ZNF594: variants seen among roughly 807,000 people sequenced by gnomAD.
ZNF594 encodes the protein zinc finger protein HZF18.
For synonymous variants in ZNF594, 336 were observed against 309.4 expected, an observed-to-expected ratio of 1.09 and a Z score of -0.90; for missense variants, 1,037 against 964.6, an observed-to-expected ratio of 1.08 and a Z score of -0.99.
chr17:5,185,399 G>C (rs2074379709), intron 1 of ZNF594, among the ~76,000 whole-genome samples: 1 of 152,194 alleles, frequency 6.6e-6, no homozygotes, highest in Non-Finnish European at 1.5e-5. Context: ...CATGAGAATA[G>C]TAGGGGGGAA....
chr17:5,184,775 C>T (rs75903360), intron 1 of ZNF594, among the ~76,000 whole-genome samples: 9,408 of 152,286 alleles, frequency 0.062, 363 homozygotes, highest in East Asian at 0.15. Flanking sequence ...CCCATGGCCA[C>T]GCATTGTCCC....
intron 1 of ZNF594, 102 bp from the exon 2 acceptor site, chr17:5,184,378 C>T: frequency 8.6e-7 from 1 of 1,157,878 alleles, no homozygotes; most frequent in Non-Finnish European, 1.2e-6. Context: ...CTCAGAAGAC[C>T]TTTCCCTGCC....
In ZNF594 at chr17:5,183,613, T is replaced by A; in HGVS notation, c.644A>T (p.Glu215Val). Residue 215 changes from glutamate to valine, a missense_variant, in exon 2 of 2, where the codon GAG becomes GTG. By Grantham distance (121) the Glu-to-Val change is moderately radical (BLOSUM62 -2). Transcript: ENST00000575779. ...GCTTCCCTTAAAAGCCTTCCCACAC[T>A]CTTTGCACTCATAGGGATTCCCACC... ...HSGGNPYECK[E>V]CGKAFKGSSN... 1 of 1,614,212 alleles carries A rather than the reference T, an allele frequency of 6.2e-7. No homozygotes were observed. The highest frequency in any genetic ancestry group is 1.1e-5 in the South Asian group (1 of 91,086).
chr17:5,183,090 T>C lies in ZNF594; in HGVS notation c.1167A>G (p.Ser389=). The C allele has an allele frequency of 6.2e-7, 1 of 1,614,196 alleles. No individual in the cohort carries two copies. The highest frequency in any genetic ancestry group is 8.5e-7 in the Non-Finnish European group (1 of 1,180,034). Residue 389 remains serine (S), a synonymous_variant, in exon 2 of 2, where the codon TCA becomes TCG. Coordinates refer to ENST00000575779, the MANE Select transcript of ZNF594 (RefSeq NM_032530.2). The stretch of plus-strand genomic sequence containing the variant: ...GAGTTACCTGATGTCTGATGAGGTC[T>C]GAGGTGCCCTGGAAATTCCTACCAC... ...NQCGRNFQGT[S]DLIRHQVTHT...
At position 5,181,494 on chromosome 17, in the gene ZNF594, A is replaced by G. The variant is rs779554854; in HGVS notation, c.*339T>C. On this transcript the variant is annotated 3_prime_UTR_variant, in exon 2 of 2. Coordinates refer to ENST00000575779, the MANE Select transcript of ZNF594 (RefSeq NM_032530.2). ...TTCTTCAAGTTTCTCTCCAGCATGC[A>G]GTCTCTGATGTTTGAGGAAAGCTGT... 4 of 1,613,870 alleles carry G rather than the reference A, an allele frequency of 2.5e-6. No individual in the cohort carries two copies. In the Admixed American group the frequency reaches 5.0e-5, roughly 20 times the overall value.
downstream of ZNF594, among the ~76,000 whole-genome samples, chr17:5,178,965 A>G (rs2074321652): frequency 6.6e-6 from 1 of 152,132 alleles, no homozygotes; most frequent in South Asian, 2.1e-4. Context: ...GCCAGCACTG[A>G]AAATGAAGAC....
rs558881746 is a variant in ZNF594, at chr17:5,186,390, C to T, written c.-20-2114G>A. Among the ~76,000 whole-genome samples, 381 of 152,320 alleles carry T rather than the reference C, an allele frequency of 2.5e-3. 3 individuals are homozygous for T. Among genetic ancestry groups the T allele is most frequent in the African/African-American group, 8.7e-3 (363 of 41,570 alleles). ...CATGGCTAGAGCGGCTGGGATGCAG[C>T]GCACCAAGTCCCTAGGCTGGACACA... On this transcript the variant is annotated intron_variant, in intron 1 of 1. Coordinates refer to ENST00000575779, the MANE Select transcript of ZNF594 (RefSeq NM_032530.2).
chr17:5,176,303 G>A (rs1448182934), downstream of ZNF594, among the ~76,000 whole-genome samples: 3 of 150,928 alleles, frequency 2.0e-5, no homozygotes, highest in South Asian at 2.1e-4. Flanking sequence ...GCTGAAGCAG[G>A]AGAATTGCTT....
Position 5,185,010 on chromosome 17 carries a change from G to T in ZNF594, c.-20-734C>A, listed in dbSNP as rs148986571. ...AAAACGTTTGGCTGTCATTTCAATAGAAATCAATTCTCTTCTTCTCAGACC... is the reference window on the plus strand; with the variant it reads ...AAAACGTTTGGCTGTCATTTCAATATAAATCAATTCTCTTCTTCTCAGACC... On this transcript the variant is annotated intron_variant, in intron 1 of 1. Coordinates refer to ENST00000575779, the MANE Select transcript of ZNF594 (RefSeq NM_032530.2). Among the ~76,000 whole-genome samples, 37 of 152,346 alleles carry T rather than the reference G, an allele frequency of 2.4e-4. No individual in the cohort carries two copies. In the East Asian group the frequency reaches 6.0e-3, roughly 25 times the overall value.
At chr17:5,179,137 C>T (rs186427999), downstream of ZNF594, among the ~76,000 whole-genome samples, 285 of 151,072 alleles carry the variant, frequency 1.9e-3, 1 homozygote, top group African/African-American at 6.6e-3. Context: ...CAGCTCCTGG[C>T]GGGCTGCAGG....
intron 1 of ZNF594, among the ~76,000 whole-genome samples, chr17:5,185,534 G>C (rs898850824): frequency 2.0e-5 from 3 of 152,018 alleles, no homozygotes; most frequent in African/African-American, 4.8e-5. Flanking sequence ...TTCTGCCCCT[G>C]GCCCCTCCAA....
At chr17:5,190,273 C>G (rs929010548) in intron 1 of ZNF594, among the ~76,000 whole-genome samples, 7 of 152,130 alleles carry the variant, frequency 4.6e-5, no homozygotes, top group African/African-American at 1.7e-4. Flanking sequence ...AAGGCTGAGG[C>G]AGGAGAATCG....
chr17:5,184,512 A>G (rs371399538), intron 1 of ZNF594: 3 of 434,298 alleles, frequency 6.9e-6, no homozygotes, highest in Non-Finnish European at 1.2e-5. Context: ...GGAGTGGCCT[A>G]AAGGGTGGTG....
At chr17:5,185,118 G>C (rs558079411) in intron 1 of ZNF594, among the ~76,000 whole-genome samples, 2 of 152,160 alleles carry the variant, frequency 1.3e-5, no homozygotes, top group South Asian at 4.1e-4. Flanking sequence ...CAAGATAGAT[G>C]AGCTTATTGC....
rs1459253359 is a variant in ZNF594, at chr17:5,184,125, T to C, written c.132A>G (p.Leu44=). The change falls in exon 2 of 2, where the codon TTA becomes TTG. Residue 44 remains leucine, a synonymous_variant. Transcript: ENST00000575779. The stretch of plus-strand genomic sequence containing the variant: ...TTAAAGGGCTTACCCAGTGCTTCAA[T>C]AATCTGTCCTCAGAATTACTGGTTT... ...LVETSNSEDR[L]LKHWVSPLKD... 1.9e-6 allele frequency: 3 copies of C among 1,614,220 alleles called. No homozygotes were observed. Among genetic ancestry groups the C allele is most frequent in the East Asian group, 4.5e-5 (2 of 44,884 alleles).
downstream of ZNF594, among the ~76,000 whole-genome samples, chr17:5,178,128 G>GA (rs1310302769): frequency 2.9e-5 from 4 of 140,082 alleles, no homozygotes; most frequent in Non-Finnish European, 4.6e-5. Context: ...CAGGACCTTA[G>GA]AAAAAAAAAT....
At position 5,182,095 on chromosome 17, in the gene ZNF594, G is replaced by A. The variant is rs140516109; in HGVS notation, c.2162C>T (p.Thr721Met). 8.7e-4 allele frequency: 1,404 copies of A among 1,613,558 alleles called. 19 individuals are homozygous for A. In the South Asian group the frequency reaches 0.011, roughly 13 times the overall value. ...CAGTCTCTGATGTTTGAGGAAAGCC[G>A]TGTGCCACATGAAGAGTTTCCCACA... is the stretch of plus-strand genomic sequence containing the variant. ...KECGKLFMWH[T>M]AFLKHQRLHA... The change falls in exon 2 of 2, where the codon ACG (threonine) becomes ATG (methionine). Residue 721 changes from threonine to methionine, a missense_variant. Transcript: ENST00000575779.
In ZNF594 at chr17:5,183,895, T is replaced by G; in HGVS notation, c.362A>C (p.His121Pro). 6.2e-7 allele frequency: 1 copy of G among 1,613,532 alleles called. No homozygotes were observed. The highest frequency in any genetic ancestry group is 1.3e-5 in the African/African-American group (1 of 74,976). Residue 121 changes from histidine to proline, a missense_variant, in exon 2 of 2, where the codon CAT becomes CCT. Physicochemically the swap from His to Pro is moderately conservative, Grantham distance 77 (BLOSUM62 -2). Coordinates refer to ENST00000575779, the MANE Select transcript of ZNF594 (RefSeq NM_032530.2). ...ACATTCATAGGTCTTATTTATATTATGAATTTTCTGATGTTCAGTTAATCC... is the reference window on the plus strand; with the variant it reads ...ACATTCATAGGTCTTATTTATATTAGGAATTTTCTGATGTTCAGTTAATCC... ...KSGLTEHQKIHNINKTYECKE... is the reference protein window; with the variant it reads ...KSGLTEHQKIPNINKTYECKE...
At chr17:5,178,325 CAT>C (rs1169976746), downstream of ZNF594, among the ~76,000 whole-genome samples, 2 of 151,934 alleles carry the variant, frequency 1.3e-5, no homozygotes, top group Non-Finnish European at 2.9e-5. Context: ...ACGAGAAAAA[CAT>C]ATGATTATTT....
Sources: allele counts gnomAD v4.1 joint callset (sites outside exome capture counted in the v4.1 genomes callset), GRCh38; gene constraint gnomAD v4.1.1; transcripts MANE v1.5; gene names NCBI Gene and HGNC (gene_info 2026-07-23, HGNC 2026-07-21).